JDP2: variants seen among roughly 807,000 people sequenced by gnomAD.
JDP2 encodes the protein progesterone receptor co-activator.
JDP2 carries 9 observed loss-of-function variants against 17.1 expected under a neutral mutation model. That is an observed-to-expected ratio of 0.53 (90% CI 0.32 to 0.92). The LOEUF is 0.92. JDP2 is among the 40% of genes least tolerant of loss of function. The probability of loss-of-function intolerance (pLI) is 0.04; values close to 1 mark genes in which losing one functional copy is unlikely to be tolerated. For missense variants in JDP2, 179 were observed against 220.0 expected, an observed-to-expected ratio of 0.81 and a Z score of 1.18; for synonymous variants, 107 against 95.6, an observed-to-expected ratio of 1.12 and a Z score of -0.69.
chr14:75,430,485 G>C lies in JDP2; in HGVS notation c.-24+2233G>C, dbSNP rs144496790. On this transcript the variant is annotated intron_variant, in intron 1 of 3. Transcript: ENST00000651602. This position sits in a 1 kb window ranked among gnomAD's most constrained non-coding sequence, Gnocchi z 4.5. ...GAGAAAAATGGAGTGAGTGTATATGGGTATGTGTGTGTGCATACCTATATA... is the reference window on the plus strand; with the variant it reads ...GAGAAAAATGGAGTGAGTGTATATGCGTATGTGTGTGTGCATACCTATATA... Among the ~76,000 whole-genome samples, 2 of 152,198 alleles carry C rather than the reference G, an allele frequency of 1.3e-5. No homozygotes were observed. The highest frequency in any genetic ancestry group is 1.9e-4 in the East Asian group (1 of 5,184).
rs921433516 is a variant in JDP2, at chr14:75,469,216, C to T, written c.307-74C>T. The T allele has an allele frequency of 2.6e-5, 38 of 1,444,714 alleles. No individual in the cohort carries two copies. The Admixed American group carries it at 6.9e-4, about 26-fold the overall frequency. The allele number at this position is 1,444,714 out of a possible 1,614,324, so 89.5% of individuals were successfully genotyped here. ...AGTGCCAGCCCAGCGTGCCCTGTGC[C>T]TAACCACAGGCAGAGCCTCTCCCCA... is the stretch of plus-strand genomic sequence containing the variant. On this transcript the variant is annotated intron_variant, in intron 3 of 3. Transcript: ENST00000651602.
rs967321600 is a variant in JDP2, at chr14:75,473,734, A to G, written c.*4259A>G. On this transcript the variant is annotated 3_prime_UTR_variant, in exon 4 of 4. Transcript: ENST00000651602. ...GTAGGGGAGTGAACTGCGGAAGGAT[A>G]CCACTTATGTCATATTTCTAACTAA... 2.6e-5 allele frequency: 4 copies of G among 152,224 alleles called. No homozygotes were observed. The highest frequency in any genetic ancestry group is 9.6e-5 in the African/African-American group (4 of 41,454). 9.4% of individuals were successfully genotyped at this position (152,224 alleles called of 1,614,324 possible).
At position 75,472,867 on chromosome 14, in the gene JDP2, C is replaced by T. The variant is rs1489766932; in HGVS notation, c.*3392C>T. 1 of 152,252 alleles carries T rather than the reference C, an allele frequency of 6.6e-6. No homozygotes were observed. Among genetic ancestry groups the T allele is most frequent in the African/African-American group, 2.4e-5 (1 of 41,442 alleles). The allele number at this position is 152,252 out of a possible 1,614,324, so 9.4% of individuals were successfully genotyped here. A position where few individuals can be genotyped will look rare whatever the true frequency, so the allele number is the denominator to read the frequency against. On this transcript the variant is annotated 3_prime_UTR_variant, in exon 4 of 4. Coordinates refer to ENST00000651602, the MANE Select transcript of JDP2 (RefSeq NM_001135048.2). ...GGGATCGCAGACTCCTGGATCTGTT[C>T]AGCTCCTGACTGGTCACAACCAGCC...
intron 2 of JDP2, chr14:75,445,106 G>A (rs555990144): frequency 2.0e-6 from 2 of 985,404 alleles, no homozygotes; most frequent in Non-Finnish European, 2.4e-6. Flanking sequence ...CGGCAACATG[G>A]ACTCAGAGTT....
chr14:75,435,775 G>A (rs1223110927), intron 1 of JDP2, among the ~76,000 whole-genome samples: 2 of 152,180 alleles, frequency 1.3e-5, no homozygotes, highest in Non-Finnish European at 1.5e-5. Context: ...CAGGGGACAC[G>A]GGGTGAAGGA....
At chr14:75,460,299 T>A (rs1227478757) in intron 2 of JDP2, among the ~76,000 whole-genome samples, 1 of 151,980 alleles carries the variant, frequency 6.6e-6, no homozygotes, top group African/African-American at 2.4e-5. Context: ...GTCCTTCAGC[T>A]CTCCCACAGG....
intron 3 of JDP2, among the ~76,000 whole-genome samples, chr14:75,465,480 C>T (rs61978937): frequency 0.05 from 7,679 of 152,126 alleles, 313 homozygotes; most frequent in Admixed American, 0.098. Flanking sequence ...TACAAGCACA[C>T]GACCATGCCT....
chr14:75,445,047 C>T (rs1435878782), intron 2 of JDP2: 2 of 964,406 alleles, frequency 2.1e-6, no homozygotes, highest in African/African-American at 3.5e-5. Flanking sequence ...GAAGGGCTGT[C>T]AAGTCTTCTG....
intron 1 of JDP2, among the ~76,000 whole-genome samples, chr14:75,433,606 C>A (rs966737352): frequency 7.3e-6 from 1 of 136,096 alleles, no homozygotes; most frequent in African/African-American, 2.9e-5. Context: ...CCATTTTCTT[C>A]AAGTTGGCTT....
intron 2 of JDP2, among the ~76,000 whole-genome samples, chr14:75,440,035 T>A (rs1322914396): frequency 6.6e-6 from 1 of 152,236 alleles, no homozygotes; most frequent in Non-Finnish European, 1.5e-5. Context: ...TTTTATTTTT[T>A]ATTTTTGGAA....
Position 75,471,119 on chromosome 14 carries a change from T to C in JDP2, c.*1644T>C, listed in dbSNP as rs1886800726. 1 of 152,232 alleles carries C rather than the reference T, an allele frequency of 6.6e-6. No individual in the cohort carries two copies. Among genetic ancestry groups the C allele is most frequent in the Admixed American group, 6.5e-5 (1 of 15,286 alleles). The allele number at this position is 152,232 out of a possible 1,614,324, so 9.4% of individuals were successfully genotyped here. ...CACTATGATTGTCCTCATGGTTGAA[T>C]AGGAAGCTTATGAGGCCACAGTTAT... is the stretch of plus-strand genomic sequence containing the variant. On this transcript the variant is annotated 3_prime_UTR_variant, in exon 4 of 4. Coordinates refer to ENST00000651602, the MANE Select transcript of JDP2 (RefSeq NM_001135048.2).
Position 75,470,319 on chromosome 14 carries a change from G to T in JDP2, c.*844G>T, listed in dbSNP as rs10057. On this transcript the variant is annotated 3_prime_UTR_variant, in exon 4 of 4. Transcript: ENST00000651602. ...GAACAGATAGCCACCAGTTACGGCC[G>T]TTGTGTGTAACTCCTAAGTACTGTA... 1 of 151,274 alleles carries T rather than the reference G, an allele frequency of 6.6e-6. No homozygotes were observed. The highest frequency in any genetic ancestry group is 1.9e-4 in the East Asian group (1 of 5,142). 9.4% of individuals were successfully genotyped at this position (151,274 alleles called of 1,614,324 possible). A position where few individuals can be genotyped will look rare whatever the true frequency, so the allele number is the denominator to read the frequency against.
intron 2 of JDP2, among the ~76,000 whole-genome samples, chr14:75,450,891 C>T (rs996859753): frequency 1.3e-5 from 2 of 152,160 alleles, no homozygotes; most frequent in Non-Finnish European, 2.9e-5. Flanking sequence ...ACGCTCAGAG[C>T]AGAGGGACAC....
At chr14:75,451,403 G>A (rs1027351401) in intron 2 of JDP2, among the ~76,000 whole-genome samples, 4 of 152,070 alleles carry the variant, frequency 2.6e-5, no homozygotes, top group Admixed American at 1.3e-4. Flanking sequence ...CAAGAGGGAC[G>A]GGGGTGTGGG....
intron 2 of JDP2, among the ~76,000 whole-genome samples, chr14:75,438,637 C>T (rs971691254): frequency 1.6e-4 from 24 of 152,238 alleles, no homozygotes; most frequent in African/African-American, 5.8e-4. Flanking sequence ...AGCGTGGCCT[C>T]CCTTCCCAAG....
intron 3 of JDP2, among the ~76,000 whole-genome samples, chr14:75,464,597 C>G (rs141857098): frequency 6.6e-6 from 1 of 152,144 alleles, no homozygotes. Context: ...TTGGTATCCT[C>G]GGGGAGTCCT....
intron 2 of JDP2, among the ~76,000 whole-genome samples, chr14:75,456,639 T>C (rs561481015): frequency 1.3e-5 from 2 of 152,306 alleles, no homozygotes; most frequent in Admixed American, 1.3e-4. Context: ...TGTTTCTCTC[T>C]TGGTACGTGG....
chr14:75,466,177 A>G (rs1240961740), intron 3 of JDP2, among the ~76,000 whole-genome samples: 2 of 152,246 alleles, frequency 1.3e-5, no homozygotes, highest in African/African-American at 4.8e-5. Context: ...GCGGTGGCTC[A>G]TGCCTGTAAT....
In JDP2 at chr14:75,471,781, G is replaced by T; in HGVS notation, c.*2306G>T. 6.4e-6 allele frequency: 1 copy of T among 157,326 alleles called. No homozygotes were observed. 9.7% of individuals were successfully genotyped at this position (157,326 alleles called of 1,614,324 possible). ...GGTTGCCTTCTGTCTCGGGGGTCTT[G>T]AGGCTGTCGGTCCGGACGATGCAGG... On this transcript the variant is annotated 3_prime_UTR_variant, in exon 4 of 4. Coordinates refer to ENST00000651602, the MANE Select transcript of JDP2 (RefSeq NM_001135048.2).
Sources: allele counts gnomAD v4.1 joint callset (sites outside exome capture counted in the v4.1 genomes callset), GRCh38; gene constraint gnomAD v4.1.1; non-coding constraint Gnocchi (gnomAD v3.1); transcripts MANE v1.5; gene names NCBI Gene and HGNC (gene_info 2026-07-23, HGNC 2026-07-21).